DCLRE1C: variants seen among roughly 807,000 people sequenced by gnomAD.
The protein encoded by DCLRE1C is protein artemis.
DCLRE1C carries 47 observed loss-of-function variants against 61.4 expected under a neutral mutation model. The ratio of observed to expected loss-of-function variants is 0.77; its 90% CI spans 0.61 to 0.98. DCLRE1C has a LOEUF of 0.98. Ranked by LOEUF, DCLRE1C falls within the 50% of genes least tolerant of loss-of-function variation. DCLRE1C has a pLI of 0.00. For synonymous variants in DCLRE1C, 337 were observed against 287.6 expected, an observed-to-expected ratio of 1.17 and a Z score of -1.74; for missense variants, 858 against 816.0, an observed-to-expected ratio of 1.05 and a Z score of -0.63.
chr10:14,917,885 T>C (rs1325046236), intron 13 of DCLRE1C, among the ~76,000 whole-genome samples: 3 of 152,158 alleles, frequency 2.0e-5, no homozygotes, highest in Admixed American at 6.5e-5. Flanking sequence ...TGAAGATACA[T>C]GGATGGCAAA....
chr10:14,936,913 T>A (rs534132961), intron 4 of DCLRE1C, among the ~76,000 whole-genome samples: 1 of 152,336 alleles, frequency 6.6e-6, no homozygotes, highest in African/African-American at 2.4e-5. Flanking sequence ...TTCAAATGTC[T>A]ATCAGCTGAT....
At chr10:14,914,176 TAG>T (rs759134869) in intron 13 of DCLRE1C, among the ~76,000 whole-genome samples, 1 of 152,176 alleles carries the variant, frequency 6.6e-6, no homozygotes, top group Non-Finnish European at 1.5e-5. Flanking sequence ...ATATAAAGAC[TAG>T]TTAAAAATAC....
downstream of DCLRE1C, among the ~76,000 whole-genome samples, chr10:14,901,662 C>A (rs1478199910): frequency 6.6e-6 from 1 of 151,440 alleles, no homozygotes; most frequent in Non-Finnish European, 1.5e-5. Context: ...GAAACTCTGT[C>A]TCTACAAAAT....
At chr10:14,901,097 G>A (rs368018129), downstream of DCLRE1C, 35 of 1,609,700 alleles carry the variant, frequency 2.2e-5, no homozygotes, top group South Asian at 2.6e-4. Context: ...TGTTTACACC[G>A]TTTGTACTTA....
chr10:14,953,878 G>A (rs1367185963), intron 1 of DCLRE1C, 24 bp downstream of exon 1: 11 of 1,613,246 alleles, frequency 6.8e-6, no homozygotes, highest in South Asian at 1.1e-5. Flanking sequence ...CCCCGGGAGC[G>A]GGCGACGCGC....
intron 2 of DCLRE1C, 183 bp from the exon 3 acceptor site, chr10:14,945,372 C>A: frequency 1.5e-6 from 2 of 1,341,948 alleles, no homozygotes; most frequent in Non-Finnish European, 1.9e-6. Flanking sequence ...TCTATTTCAT[C>A]ATACATCTAA....
intron 9 of DCLRE1C, among the ~76,000 whole-genome samples, chr10:14,929,698 C>T (rs1358932738): frequency 6.6e-6 from 1 of 151,986 alleles, no homozygotes; most frequent in Non-Finnish European, 1.5e-5. Context: ...GGGAAAAAAA[C>T]TAACAAATAC....
intron 2 of DCLRE1C, chr10:14,947,485 C>T (rs1841873174): frequency 6.6e-6 from 1 of 152,192 alleles, no homozygotes; most frequent in African/African-American, 2.4e-5. Flanking sequence ...TGTTACGCAG[C>T]AGCAGATGAC....
chr10:14,920,373 G>T (rs371772702), intron 12 of DCLRE1C: 1 of 1,025,624 alleles, frequency 9.8e-7, no homozygotes, highest in Non-Finnish European at 1.2e-6. Flanking sequence ...ATTTGAAGAC[G>T]TCCTACCCCT....
chr10:14,939,175 G>A (rs544285078), intron 4 of DCLRE1C, among the ~76,000 whole-genome samples: 5 of 152,194 alleles, frequency 3.3e-5, no homozygotes, highest in Admixed American at 1.3e-4. Context: ...AGTGACTCAC[G>A]CCTGTCACCC....
chr10:14,949,109 C>A, intron 1 of DCLRE1C, 22 bp from the exon 2 acceptor site: 1 of 1,557,578 alleles, frequency 6.4e-7, no homozygotes, highest in Non-Finnish European at 8.9e-7. Context: ...AGAACAAAAA[C>A]TCATGAATAT....
In DCLRE1C at chr10:14,905,146, C is replaced by G. The variant is rs543533889; in HGVS notation, c.*3262G>C. ...TTGACTACGTGCTAGCAAGATTAACCGAAGGTTTATATTCAATTCCTTTAA... is the reference window on the plus strand; with the variant it reads ...TTGACTACGTGCTAGCAAGATTAACGGAAGGTTTATATTCAATTCCTTTAA... On this transcript the variant is annotated 3_prime_UTR_variant, in exon 14 of 14. Transcript: ENST00000378278. Among the ~76,000 whole-genome samples, 21 of 152,180 alleles carry G rather than the reference C, an allele frequency of 1.4e-4. No individual in the cohort carries two copies. Among genetic ancestry groups the G allele is most frequent in the Non-Finnish European group, 2.4e-4 (16 of 68,034 alleles).
chr10:14,934,426 C>G lies in DCLRE1C; in HGVS notation c.632G>C (p.Gly211Ala), dbSNP rs1056674146. 2.5e-6 allele frequency: 4 copies of G among 1,614,010 alleles called. No individual in the cohort carries two copies. The African/African-American group carries it at 5.3e-5, about 22-fold the overall frequency. ...VVWLNCKAAY[G>A]YEYLFTNLSE... Reference sequence around the variant, plus strand: ...AAGGTTGGTGAACAGATATTCATAGCCATAAGCCGCTTTGCAGTTCAGCCA... The same window carrying G: ...AAGGTTGGTGAACAGATATTCATAGGCATAAGCCGCTTTGCAGTTCAGCCA... The change falls in exon 8 of 14, where the codon GGC becomes GCC. Residue 211 changes from glycine (G) to alanine (A), a missense_variant. Transcript: ENST00000378278.
At chr10:14,912,335 C>T (rs1370955071) in intron 13 of DCLRE1C, among the ~76,000 whole-genome samples, 4 of 152,076 alleles carry the variant, frequency 2.6e-5, no homozygotes, top group South Asian at 2.1e-4. Flanking sequence ...GGATTATAGG[C>T]GTGAGCCACT....
rs11259401 is a variant in DCLRE1C at position 14,944,485 on chromosome 10, C to T, written c.246+620G>A. 8.4e-4 allele frequency among the ~76,000 whole-genome samples: 128 copies of T among 151,882 alleles called. 3 individuals carry two copies. The South Asian group carries it at 0.026, about 31-fold the overall frequency. ...CTGCACTCCAGCCTCGGCAGCAGAGCGAGACTCCATCTCAAAAACAAAAAA... is the reference window on the plus strand; with the variant it reads ...CTGCACTCCAGCCTCGGCAGCAGAGTGAGACTCCATCTCAAAAACAAAAAA... On this transcript the variant is annotated intron_variant, in intron 3 of 13. Transcript: ENST00000378278.
chr10:14,945,300 C>G, intron 2 of DCLRE1C, 111 bp from the exon 3 acceptor site: 1 of 1,412,926 alleles, frequency 7.1e-7, no homozygotes. Context: ...ACCAGTCTGA[C>G]CAACATGGTG....
rs930775055 is a variant in DCLRE1C at position 14,905,920 on chromosome 10, T to G, written c.*2488A>C. On this transcript the variant is annotated 3_prime_UTR_variant, in exon 14 of 14. Transcript: ENST00000378278. ...TCACTTGAACCCTGGAGGCTGAGGT[T>G]GCAGTGAGCTGAGATAGGGCCACTG... Among the ~76,000 whole-genome samples, 1 of 152,202 alleles carries G rather than the reference T, an allele frequency of 6.6e-6. No individual in the cohort carries two copies. Among genetic ancestry groups the G allele is most frequent in the Non-Finnish European group, 1.5e-5 (1 of 68,032 alleles).
intron 2 of DCLRE1C, chr10:14,945,569 G>C: frequency 1.9e-6 from 2 of 1,045,300 alleles, no homozygotes; most frequent in Non-Finnish European, 2.3e-6. Flanking sequence ...GGTGTGTCTG[G>C]AAAGATACCG....
upstream of DCLRE1C, chr10:14,954,147 G>A: frequency 1.4e-6 from 2 of 1,468,012 alleles, no homozygotes; most frequent in Non-Finnish European, 1.9e-6. Context: ...CCAATCAGAG[G>A]AGTCCGGAGA....
Sources: allele counts gnomAD v4.1 joint callset (sites outside exome capture counted in the v4.1 genomes callset), GRCh38; gene constraint gnomAD v4.1.1; transcripts MANE v1.5; gene names NCBI Gene and HGNC (gene_info 2026-07-23, HGNC 2026-07-21).